The following CLOCK variants were observed in gnomAD, a reference collection of about 807,000 sequenced individuals.
CLOCK encodes the protein clock circadian regulator.
In CLOCK, 43 loss-of-function variants were observed where a neutral mutation model predicts 118.4. That is an observed-to-expected ratio of 0.36 (90% CI 0.28 to 0.47). CLOCK has a LOEUF of 0.47. Ranked by LOEUF, CLOCK falls within the 20% of genes least tolerant of loss-of-function variation. The pLI is 1.00. For missense variants in CLOCK, 846 were observed against 999.9 expected (o/e 0.85, Z 2.08); for synonymous variants, 326 against 339.2 (o/e 0.96, Z 0.43).
Position 55,443,749 on chromosome 4 carries a change from C to T in CLOCK, c.1840G>A (p.Gly614Arg), listed in dbSNP as rs1723560952. 5 of 1,614,002 alleles carry T rather than the reference C, an allele frequency of 3.1e-6. No homozygotes were observed. The change falls in exon 20 of 23, where the codon GGA becomes AGA. Residue 614 changes from glycine to arginine, a missense_variant. Transcript: ENST00000513440. The part of the protein sequence containing the change: ...TNQIQSGMNT[G>R]HIGTTQHMIQ... ...ATGTGCTGAGTTGTGCCAATGTGTC[C>T]AGTATTCATTCCACTTTGAATCTGG...
intron 2 of CLOCK, among the ~76,000 whole-genome samples, chr4:55,504,397 A>G (rs13128364): frequency 1.3e-5 from 2 of 152,056 alleles, no homozygotes; most frequent in Non-Finnish European, 2.9e-5. Context: ...TAAGGTTGTC[A>G]TAAGAATGAA....
chr4:55,513,568 T>G (rs1452235967), intron 1 of CLOCK, among the ~76,000 whole-genome samples: 1 of 152,158 alleles, frequency 6.6e-6, no homozygotes, highest in Non-Finnish European at 1.5e-5. Flanking sequence ...AAGTAAGTCT[T>G]GAAGTCAGGC....
intron 6 of CLOCK, among the ~76,000 whole-genome samples, chr4:55,476,544 A>G (rs1289220252): frequency 1.3e-5 from 2 of 152,194 alleles, no homozygotes; most frequent in East Asian, 1.9e-4. Context: ...TCTTCCCAAC[A>G]TTAAGTGCTC....
At chr4:55,450,717 C>T (rs529240548) in intron 15 of CLOCK, among the ~76,000 whole-genome samples, 73 of 151,822 alleles carry the variant, frequency 4.8e-4, no homozygotes, top group African/African-American at 9.9e-4. Context: ...TGTAGTGAGC[C>T]GAGATCCTGC....
chr4:55,515,641 C>T (rs1729461989), intron 1 of CLOCK, among the ~76,000 whole-genome samples: 2 of 152,184 alleles, frequency 1.3e-5, no homozygotes, highest in South Asian at 4.1e-4. Flanking sequence ...CCTCTGCCTC[C>T]CAAAGTGCTG....
rs1724613491 is a variant in CLOCK at position 55,453,105 on chromosome 4, T to C, written c.1155A>G (p.Arg385=). The change falls in exon 15 of 23, where the codon AGA becomes AGG. Residue 385 remains arginine (R), a synonymous_variant. Coordinates refer to ENST00000513440, the MANE Select transcript of CLOCK (RefSeq NM_004898.4). ...ACTCTTCAATGCCAAGTTCTCGTCG[T>C]CTTTCAGCCCTAACTTCTGCATAAC... ...VVSYAEVRAE[R]RRELGIEESL... 2.5e-6 allele frequency: 4 copies of C among 1,612,952 alleles called. No homozygotes were observed. The East Asian group carries it at 6.7e-5, about 27-fold the overall frequency.
At chr4:55,543,429 G>A (rs1163526826) in intron 1 of CLOCK, among the ~76,000 whole-genome samples, 2 of 152,130 alleles carry the variant, frequency 1.3e-5, no homozygotes, top group African/African-American at 4.8e-5. Context: ...CCGTTTTCAA[G>A]GCTGAAAAGA....
chr4:55,472,406 A>G (rs532361316), intron 7 of CLOCK, among the ~76,000 whole-genome samples: 1 of 152,330 alleles, frequency 6.6e-6, no homozygotes, highest in South Asian at 2.1e-4. Context: ...TTGAAAAAAG[A>G]GCAAGTATAT....
chr4:55,506,073 T>G (rs1033991930), intron 2 of CLOCK, among the ~76,000 whole-genome samples: 8 of 152,330 alleles, frequency 5.3e-5, no homozygotes, highest in African/African-American at 1.9e-4. Context: ...CTCTCTTTTT[T>G]TGTTTTAGTT....
At chr4:55,508,831 A>G (rs911101761) in intron 2 of CLOCK, among the ~76,000 whole-genome samples, 4 of 151,996 alleles carry the variant, frequency 2.6e-5, no homozygotes, top group Non-Finnish European at 4.4e-5. Flanking sequence ...TGACCTCATA[A>G]TCTGCCTGCC....
chr4:55,513,706 G>A (rs1729307169), intron 1 of CLOCK, among the ~76,000 whole-genome samples: 1 of 152,028 alleles, frequency 6.6e-6, no homozygotes, highest in Non-Finnish European at 1.5e-5. Flanking sequence ...ATTTTGACTA[G>A]AATTATATTC....
chr4:55,438,621 A>G, intron 21 of CLOCK, 84 bp from the exon 22 acceptor site: 1 of 1,597,060 alleles, frequency 6.3e-7, no homozygotes, highest in South Asian at 1.1e-5. Flanking sequence ...TACTTACCTA[A>G]GATAATACCC....
chr4:55,500,492 C>T (rs1452029529), intron 2 of CLOCK, among the ~76,000 whole-genome samples: 2 of 151,876 alleles, frequency 1.3e-5, no homozygotes, highest in Admixed American at 1.3e-4. Flanking sequence ...TACAGGTACA[C>T]ACCATCATGC....
intron 8 of CLOCK, among the ~76,000 whole-genome samples, chr4:55,467,075 T>C (rs1036867944): frequency 6.6e-6 from 1 of 152,204 alleles, no homozygotes; most frequent in Admixed American, 6.5e-5. Flanking sequence ...TCCATTTTTC[T>C]GTACATCTAA....
At chr4:55,493,427 T>C (rs1180341218) in intron 2 of CLOCK, among the ~76,000 whole-genome samples, 1 of 152,208 alleles carries the variant, frequency 6.6e-6, no homozygotes, top group East Asian at 1.9e-4. Context: ...AAAGTAGTGC[T>C]GAAATTTAAT....
At chr4:55,459,047 C>A in intron 10 of CLOCK, 37 bp from the exon 11 acceptor site, 1 of 1,544,368 alleles carries the variant, frequency 6.5e-7, no homozygotes, top group Non-Finnish European at 9.0e-7. Flanking sequence ...TCAGTTATGC[C>A]AGCAAAACCT....
intron 3 of CLOCK, among the ~76,000 whole-genome samples, chr4:55,486,168 A>G (rs973008026): frequency 6.6e-6 from 1 of 152,178 alleles, no homozygotes; most frequent in Non-Finnish European, 1.5e-5. Flanking sequence ...GCCATATAGT[A>G]TACTATAATT....
chr4:55,527,890 A>G (rs192871378), intron 1 of CLOCK, among the ~76,000 whole-genome samples: 1 of 152,026 alleles, frequency 6.6e-6, no homozygotes, highest in Non-Finnish European at 1.5e-5. Context: ...CATAAAATTT[A>G]AAAAATTAGC....
chr4:55,449,739 T>C (rs553195824), intron 16 of CLOCK, among the ~76,000 whole-genome samples: 1 of 152,156 alleles, frequency 6.6e-6, no homozygotes, highest in Non-Finnish European at 1.5e-5. Flanking sequence ...ATGACAATTA[T>C]ACAAGTCTTC....
Sources: allele counts gnomAD v4.1 joint callset (sites outside exome capture counted in the v4.1 genomes callset), GRCh38; gene constraint gnomAD v4.1.1; transcripts MANE v1.5; gene names NCBI Gene and HGNC (gene_info 2026-07-23, HGNC 2026-07-21).